CEBPZ: variants seen among roughly 807,000 people sequenced by gnomAD.
The protein encoded by CEBPZ is CCAAT/enhancer-binding protein zeta.
In CEBPZ, 78 loss-of-function variants were observed where a neutral mutation model predicts 104.5. The observed-to-expected ratio is 0.75, with a 90% CI of 0.62 to 0.90. The LOEUF is 0.90. Ranked by LOEUF, CEBPZ falls within the 40% of genes least tolerant of loss-of-function variation. The pLI is 0.00. For synonymous variants in CEBPZ, 470 were observed against 427.0 expected, an observed-to-expected ratio of 1.10 and a Z score of -1.24; for missense variants, 1,439 against 1,233.5, an observed-to-expected ratio of 1.17 and a Z score of -2.50.
intron 10 of CEBPZ, among the ~76,000 whole-genome samples, chr2:37,212,837 A>T (rs954162335): frequency 7.6e-6 from 1 of 130,978 alleles, no homozygotes; most frequent in Non-Finnish European, 1.6e-5. Flanking sequence ...ATCTCTATTA[A>T]AAAAAAAAAA....
At chr2:37,204,229 C>G (rs964527846) in intron 13 of CEBPZ, 1 of 151,904 alleles carries the variant, frequency 6.6e-6, no homozygotes, top group Admixed American at 6.6e-5. Flanking sequence ...CCGCCCCCAC[C>G]CCCAACCTCA....
intron 13 of CEBPZ, chr2:37,209,718 C>T (rs1677658448): frequency 6.6e-6 from 1 of 152,146 alleles, no homozygotes; most frequent in Non-Finnish European, 1.5e-5. Flanking sequence ...CTCTTCTAGA[C>T]ATTGGCTTAA....
rs756993843 is a variant in CEBPZ, at chr2:37,227,935, C to A, written c.1258G>T (p.Val420Leu). ...LCKHPNMKGV[V>L]SGEVERLLFR... ...AGTAGCCTTTCTACTTCACCAGACA[C>A]AACTCCTTTCATATTGGGATGTTTA... Residue 420 changes from valine to leucine, a missense_variant, in exon 2 of 16, where the codon GTG becomes TTG. Physicochemically the swap from Val to Leu is conservative, Grantham distance 32. Transcript: ENST00000234170. The A allele has an allele frequency of 1.1e-5, 18 of 1,614,074 alleles. No individual in the cohort carries two copies. The highest frequency in any genetic ancestry group is 1.6e-4 in the Middle Eastern group (1 of 6,084).
intron 4 of CEBPZ, 142 bp from the exon 5 acceptor site, chr2:37,220,615 C>T: frequency 9.0e-6 from 4 of 443,774 alleles, no homozygotes; most frequent in Non-Finnish European, 1.2e-5. Flanking sequence ...AAACTCTGAG[C>T]TCCCTCAAGA....
chr2:37,202,213 A>G (rs1207422063), intron 15 of CEBPZ: 1 of 208,976 alleles, frequency 4.8e-6, no homozygotes, highest in Non-Finnish European at 9.3e-6. Context: ...CTTCCCTAAA[A>G]AAAAGTAATT....
At chr2:37,207,545 C>T (rs564689872) in intron 13 of CEBPZ, among the ~76,000 whole-genome samples, 4 of 152,176 alleles carry the variant, frequency 2.6e-5, no homozygotes, top group Non-Finnish European at 5.9e-5. Flanking sequence ...ATAATCTGCT[C>T]TTGAATGATC....
chr2:37,228,761 C>A lies in CEBPZ; in HGVS notation c.432G>T (p.Arg144Ser). 6.2e-7 allele frequency: 1 copy of A among 1,614,040 alleles called. No homozygotes were observed. The highest frequency in any genetic ancestry group is 8.5e-7 in the Non-Finnish European group (1 of 1,179,980). Reference sequence around the variant, plus strand: ...CATTCTCATCAGAATGTGGTTCTGGCCTATTCTTATTTTTCACCTTATTAA... The same window carrying A: ...CATTCTCATCAGAATGTGGTTCTGGACTATTCTTATTTTTCACCTTATTAA... Reference protein sequence around the residue: ...TSVNKVKNKNRPEPHSDENGS... With the variant: ...TSVNKVKNKNSPEPHSDENGS... The change falls in exon 2 of 16, where the codon AGG becomes AGT. Residue 144 changes from arginine (R) to serine (S), a missense_variant. Arg to Ser is a moderately radical substitution (Grantham distance 110, BLOSUM62 -1). Transcript: ENST00000234170.
intron 1 of CEBPZ, among the ~76,000 whole-genome samples, chr2:37,230,310 T>C (rs1037419944): frequency 6.6e-6 from 1 of 152,216 alleles, no homozygotes; most frequent in Non-Finnish European, 1.5e-5. Context: ...TGAGTATGTA[T>C]ATGCTTGAAA....
At chr2:37,217,597 G>A (rs1199287326) in intron 5 of CEBPZ, among the ~76,000 whole-genome samples, 1 of 151,956 alleles carries the variant, frequency 6.6e-6, no homozygotes, top group Non-Finnish European at 1.5e-5. Flanking sequence ...ATACTTATAG[G>A]TCCATTAAAA....
intron 2 of CEBPZ, among the ~76,000 whole-genome samples, chr2:37,223,917 T>C (rs972170590): frequency 1.3e-5 from 2 of 152,238 alleles, no homozygotes; most frequent in Admixed American, 1.3e-4. Context: ...TCCAATGTAC[T>C]AGCTGTGTAA....
At position 37,228,464 on chromosome 2, in the gene CEBPZ, T is replaced by C. The variant is rs766846274; in HGVS notation, c.729A>G (p.Thr243=). 1 of 1,614,214 alleles carries C rather than the reference T, an allele frequency of 6.2e-7. No homozygotes were observed. Among genetic ancestry groups the C allele is most frequent in the Non-Finnish European group, 8.5e-7 (1 of 1,180,024 alleles). ...TCATGGCTGCCATCCTGTCACCTAG[T>C]GTCCCCGATGACACAATTGCCTTCA... ...TWMKAIVSSG[T]LGDRMAAMIL... The change falls in exon 2 of 16, where the codon ACA becomes ACG. Residue 243 remains threonine, a synonymous_variant. Coordinates refer to ENST00000234170, the MANE Select transcript of CEBPZ (RefSeq NM_005760.3).
intron 1 of CEBPZ, among the ~76,000 whole-genome samples, chr2:37,229,237 A>G (rs1034472893): frequency 1.3e-5 from 2 of 152,054 alleles, no homozygotes; most frequent in African/African-American, 4.8e-5. Flanking sequence ...ACACACACGC[A>G]CACACACTTT....
In CEBPZ at chr2:37,202,017, C is replaced by A. The variant is rs1415081666; in HGVS notation, c.3026-114G>T. 5 of 864,448 alleles carry A rather than the reference C, an allele frequency of 5.8e-6. No individual in the cohort carries two copies. In the African/African-American group the frequency reaches 8.5e-5, roughly 15 times the overall value. 53.5% of individuals were successfully genotyped at this position (864,448 alleles called of 1,614,324 possible). ...CTAGCCTGCCTTGGCCTGTGGTTTC[C>A]CACCCACTATACAAACCCACTGCTT... On this transcript the variant is annotated intron_variant, in intron 15 of 15. Coordinates refer to ENST00000234170, the MANE Select transcript of CEBPZ (RefSeq NM_005760.3).
intron 9 of CEBPZ, among the ~76,000 whole-genome samples, chr2:37,214,223 A>G (rs1191751338): frequency 1.3e-5 from 2 of 152,228 alleles, no homozygotes; most frequent in Non-Finnish European, 2.9e-5. Flanking sequence ...AGCAAAACTT[A>G]GCCATTTACA....
chr2:37,216,608 C>T (rs1275638107), intron 6 of CEBPZ, among the ~76,000 whole-genome samples, 190 bp from the exon 7 acceptor site: 1 of 152,178 alleles, frequency 6.6e-6, no homozygotes, highest in African/African-American at 2.4e-5. Flanking sequence ...CATATACATA[C>T]ATATTCTAGG....
intron 1 of CEBPZ, among the ~76,000 whole-genome samples, chr2:37,231,064 T>C (rs1665069457): frequency 6.6e-6 from 1 of 152,110 alleles, no homozygotes; most frequent in Non-Finnish European, 1.5e-5. Context: ...AGAACAGAAA[T>C]GAAAATTCCA....
chr2:37,228,955 G>A lies in CEBPZ; in HGVS notation c.238C>T (p.Gln80Ter). ...GGKKGAIDDL[Q>*]QGELEAFIQN... Reference sequence around the variant, plus strand: ...ATAAATGCTTCCAATTCACCTTGCTGAAGGTCATCGATTGCTCCTTTTTTG... The same window carrying A: ...ATAAATGCTTCCAATTCACCTTGCTAAAGGTCATCGATTGCTCCTTTTTTG... The change falls in exon 2 of 16, where the codon CAG (glutamine) becomes TAG (stop). Residue 80 changes from glutamine (Q) to a stop codon, truncating the protein, a stop_gained. Transcript: ENST00000234170. LOFTEE classifies it high-confidence loss of function. 6.2e-7 allele frequency: 1 copy of A among 1,609,072 alleles called. No homozygotes were observed. The highest frequency in any genetic ancestry group is 8.5e-7 in the Non-Finnish European group (1 of 1,178,482).
chr2:37,207,149 T>TA (rs895236521), intron 13 of CEBPZ, among the ~76,000 whole-genome samples: 1 of 152,188 alleles, frequency 6.6e-6, no homozygotes, highest in Non-Finnish European at 1.5e-5. Flanking sequence ...TCCAAATTTA[T>TA]AAAACCATTA....
In CEBPZ at chr2:37,216,437, A is replaced by AT; in HGVS notation, c.2209-20dup. The AT allele has an allele frequency of 6.5e-7, 1 of 1,539,848 alleles. No homozygotes were observed. Among genetic ancestry groups the AT allele is most frequent in the Non-Finnish European group, 8.9e-7 (1 of 1,123,502 alleles). On this transcript the variant is annotated intron_variant, in intron 6 of 15. Coordinates refer to ENST00000234170, the MANE Select transcript of CEBPZ (RefSeq NM_005760.3). ...AGTTTCCCTGAAAAGTGGAGCGGGG[A>AT]TTTAAAAACTTAATTCAAATTATGT...
Sources: allele counts gnomAD v4.1 joint callset (sites outside exome capture counted in the v4.1 genomes callset), GRCh38; gene constraint gnomAD v4.1.1; transcripts MANE v1.5; gene names NCBI Gene and HGNC (gene_info 2026-07-23, HGNC 2026-07-21).